PHACTR1: variants seen among roughly 807,000 people sequenced by gnomAD.
The protein encoded by PHACTR1 is phosphatase and actin regulator 1.
PHACTR1 carries 16 observed loss-of-function variants against 69.2 expected under a neutral mutation model. The ratio of observed to expected loss-of-function variants is 0.23; its 90% CI spans 0.16 to 0.35. The LOEUF is 0.35. Ranked by LOEUF, PHACTR1 falls within the 10% of genes least tolerant of loss-of-function variation. The pLI, the probability that PHACTR1 is intolerant of heterozygous loss-of-function variation, is 1.00. For missense variants in PHACTR1, 510 were observed against 734.7 expected, an observed-to-expected ratio of 0.69 and a Z score of 3.54; for synonymous variants, 312 against 284.5, an observed-to-expected ratio of 1.10 and a Z score of -0.97.
intron 7 of PHACTR1, among the ~76,000 whole-genome samples, chr6:13,193,357 G>GTATATATATATATATA (rs56305254): frequency 0.091 from 6,148 of 67,370 alleles, 980 homozygotes; most frequent in Non-Finnish European, 0.15. Flanking sequence ...AGCTCTCTGT[G>GTATATATATATATATA]TATATATATA....
chr6:13,283,698 C>A lies in PHACTR1; in HGVS notation c.1650+136C>A, dbSNP rs434923. On this transcript the variant is annotated intron_variant, in intron 13 of 14. Coordinates refer to ENST00000332995, the MANE Select transcript of PHACTR1 (RefSeq NM_030948.6). The surrounding 1 kb of genome is among the most constrained non-coding windows in gnomAD (Gnocchi z 4.7). ...TCCCCATAATGGAGTGTTGAGACCC[C>A]AACACCTTTCCCCAGGGGCCACAGA... is the stretch of plus-strand genomic sequence containing the variant. 2 of 1,289,394 alleles carry A rather than the reference C, an allele frequency of 1.6e-6. No individual in the cohort carries two copies. The highest frequency in any genetic ancestry group is 2.2e-6 in the Non-Finnish European group (2 of 912,718). 79.9% of individuals were successfully genotyped at this position (1,289,394 alleles called of 1,614,324 possible). A position where few individuals can be genotyped will look rare whatever the true frequency, so the allele number is the denominator to read the frequency against.
chr6:13,056,894 G>T (rs940540629), intron 5 of PHACTR1, among the ~76,000 whole-genome samples: 2 of 152,146 alleles, frequency 1.3e-5, no homozygotes, highest in African/African-American at 4.8e-5. Flanking sequence ...TATTGAGGAT[G>T]GGGAGATTCT....
Position 12,718,808 on chromosome 6 carries a change from G to A in PHACTR1, c.64G>A (p.Glu22Lys), listed in dbSNP as rs1330910276. 6.4e-7 allele frequency: 1 copy of A among 1,572,800 alleles called. No individual in the cohort carries two copies. Among genetic ancestry groups the A allele is most frequent in the Non-Finnish European group, 8.6e-7 (1 of 1,156,582 alleles). ...VESAHRLLDV[E>K]SAQRFFYSQG... ...GTCTGCTCACAGACTCTTGGATGTTGAGTCAGCTCAAAGATTCTTCTACAG... is the reference window on the plus strand; with the variant it reads ...GTCTGCTCACAGACTCTTGGATGTTAAGTCAGCTCAAAGATTCTTCTACAG... The change falls in exon 3 of 15, where the codon GAG (glutamate) becomes AAG (lysine). Residue 22 changes from glutamate (E) to lysine (K), a missense_variant. By Grantham distance (56) the Glu-to-Lys change is moderately conservative. Around this residue, in one of 2 missense-constraint regions of PHACTR1, gnomAD observed 419 missense variants for 530.9 expected, o/e 0.79. Coordinates refer to ENST00000332995, the MANE Select transcript of PHACTR1 (RefSeq NM_030948.6).
chr6:12,895,944 AG>A (rs1369567920), intron 4 of PHACTR1, among the ~76,000 whole-genome samples: 1 of 152,238 alleles, frequency 6.6e-6, no homozygotes, highest in Non-Finnish European at 1.5e-5. Flanking sequence ...ACCTCATTAT[AG>A]TACTTGTTTC....
chr6:12,839,233 A>G (rs1039049388), intron 4 of PHACTR1, among the ~76,000 whole-genome samples: 2 of 152,190 alleles, frequency 1.3e-5, no homozygotes. Flanking sequence ...CAGTGGGTCT[A>G]AATACTCTTT....
chr6:12,919,000 G>T (rs1331317447), intron 4 of PHACTR1, among the ~76,000 whole-genome samples: 4 of 151,922 alleles, frequency 2.6e-5, no homozygotes, highest in East Asian at 1.9e-4. Flanking sequence ...AATTTTTTTT[G>T]AAATAGAGAT....
chr6:13,238,836 A>G (rs1772389089), intron 10 of PHACTR1, among the ~76,000 whole-genome samples: 2 of 152,188 alleles, frequency 1.3e-5, no homozygotes. Flanking sequence ...TAGGAATAAC[A>G]ATAAAAGGCT....
chr6:13,189,158 G>A (rs1763180462), intron 7 of PHACTR1, among the ~76,000 whole-genome samples: 1 of 152,210 alleles, frequency 6.6e-6, no homozygotes, highest in South Asian at 2.1e-4. Flanking sequence ...ACAGTCAGAT[G>A]TTCACATTTG....
chr6:13,050,972 A>G (rs150721650), intron 4 of PHACTR1, among the ~76,000 whole-genome samples: 1,879 of 151,976 alleles, frequency 0.012, 37 homozygotes, highest in African/African-American at 0.043. Flanking sequence ...AATCCTAGTT[A>G]CTGTGATTGC....
At position 12,777,625 on chromosome 6, in the gene PHACTR1, CTTTTTTT is replaced by C. The variant is rs869096915; in HGVS notation, c.250+27853_250+27859del. 5.8e-3 allele frequency among the ~76,000 whole-genome samples: 570 copies of C among 98,978 alleles called. 4 individuals are homozygous for C. Among genetic ancestry groups the C allele is most frequent in the African/African-American group, 9.4e-3 (243 of 25,910 alleles). 64.9% of individuals were successfully genotyped at this position (98,978 alleles called of 152,430 possible). ...TGTATATATACCACCCTTTCTTCTT[CTTTTTTT>C]TTTTTTTTTTTTTTTTTGAGACAGA... On this transcript the variant is annotated intron_variant, in intron 4 of 14. Coordinates refer to ENST00000332995, the MANE Select transcript of PHACTR1 (RefSeq NM_030948.6).
intron 4 of PHACTR1, among the ~76,000 whole-genome samples, chr6:12,763,929 TA>T (rs1768321407): frequency 6.6e-6 from 1 of 152,026 alleles, no homozygotes; most frequent in African/African-American, 2.4e-5. Flanking sequence ...TAATAATTAA[TA>T]AAAATATATT....
At chr6:13,047,092 C>T (rs1272245093) in intron 4 of PHACTR1, among the ~76,000 whole-genome samples, 1 of 152,022 alleles carries the variant, frequency 6.6e-6, no homozygotes, top group Admixed American at 6.5e-5. Context: ...GAAAAGGCAG[C>T]GCAGGCTGGC....
At chr6:13,073,233 A>G (rs1809820358) in intron 5 of PHACTR1, among the ~76,000 whole-genome samples, 1 of 151,840 alleles carries the variant, frequency 6.6e-6, no homozygotes, top group Non-Finnish European at 1.5e-5. Context: ...AACAAAAAAA[A>G]AAGAAAATAC....
intron 4 of PHACTR1, among the ~76,000 whole-genome samples, chr6:12,861,919 C>T (rs1194418400): frequency 6.6e-6 from 1 of 151,976 alleles, no homozygotes; most frequent in African/African-American, 2.4e-5. Flanking sequence ...TGGATGTGGG[C>T]ATATATATTA....
intron 4 of PHACTR1, among the ~76,000 whole-genome samples, chr6:12,761,470 A>C (rs943336685): frequency 6.6e-6 from 1 of 152,244 alleles, no homozygotes; most frequent in Non-Finnish European, 1.5e-5. Context: ...CATTAGTAAG[A>C]GAAAAAGTGC....
intron 7 of PHACTR1, among the ~76,000 whole-genome samples, chr6:13,200,279 C>G (rs747905515): frequency 6.6e-6 from 1 of 152,008 alleles, no homozygotes; most frequent in African/African-American, 2.4e-5. Context: ...GGCACAATCT[C>G]GGCTCACTGC....
chr6:13,200,146 T>C (rs1765007643), intron 7 of PHACTR1, among the ~76,000 whole-genome samples: 4 of 152,194 alleles, frequency 2.6e-5, no homozygotes, highest in Admixed American at 2.0e-4. Flanking sequence ...GGCAGCACCA[T>C]ACACCAAGCG....
intron 5 of PHACTR1, among the ~76,000 whole-genome samples, chr6:13,145,324 T>C (rs1043174100): frequency 4.6e-5 from 7 of 152,236 alleles, no homozygotes; most frequent in African/African-American, 1.2e-4. Flanking sequence ...TTGTGACTTA[T>C]TTCCTCTGAA....
chr6:12,755,119 CATT>C (rs1482397574), intron 4 of PHACTR1, among the ~76,000 whole-genome samples: 1 of 152,126 alleles, frequency 6.6e-6, no homozygotes, highest in African/African-American at 2.4e-5. Flanking sequence ...GTCTGAGCAT[CATT>C]ATTATTTTTA....
Sources: gnomAD v4.1 joint callset for allele counts (sites outside exome capture counted in the v4.1 genomes callset) on GRCh38, gnomAD v4.1.1 for gene constraint, gnomAD v4.1.1 regional missense constraint, Gnocchi (gnomAD v3.1) non-coding constraint, MANE v1.5 for transcripts, NCBI Gene and HGNC (gene_info 2026-07-23, HGNC 2026-07-21) for gene names.